SMARCA5: variants seen among roughly 807,000 people sequenced by gnomAD.
The protein encoded by SMARCA5 is SNF2 related chromatin remodeling ATPase 5, also known as SWI/SNF-related matrix-associated actin-dependent regulator of chromatin subfamily A member 5.
In SMARCA5, 18 loss-of-function variants were observed where a neutral mutation model predicts 140.4. That is an observed-to-expected ratio of 0.13 (90% CI 0.09 to 0.19). The LOEUF is 0.19. Ranked by LOEUF, SMARCA5 falls within the 10% of genes least tolerant of loss-of-function variation. The probability of loss-of-function intolerance (pLI) is 1.00; values close to 1 mark genes in which losing one functional copy is unlikely to be tolerated. For synonymous variants in SMARCA5, 449 were observed against 419.6 expected, an observed-to-expected ratio of 1.07 and a Z score of -0.86; for missense variants, 606 against 1,276.8, an observed-to-expected ratio of 0.47 and a Z score of 8.01.
rs138302916 is a variant in SMARCA5, at chr4:143,540,451, G to A, written c.1859G>A (p.Arg620His). 2 of 1,612,654 alleles carry A rather than the reference G, an allele frequency of 1.2e-6. No homozygotes were observed. Among genetic ancestry groups the A allele is most frequent in the Non-Finnish European group, 1.7e-6 (2 of 1,179,210 alleles). Reference protein sequence around the residue: ...DNTVEERIVERAEMKLRLDSI... With the variant: ...DNTVEERIVEHAEMKLRLDSI... ...ACTGTAGAAGAAAGAATAGTAGAAC[G>A]TGCTGAGATGAAACTCAGACTGGAT... The change falls in exon 14 of 24, where the codon CGT becomes CAT. Residue 620 changes from arginine to histidine, a missense_variant. This residue lies in a region of SMARCA5 where 62 missense variants were observed against 256.6 expected (regional missense o/e 0.24). Coordinates refer to ENST00000283131, the MANE Select transcript of SMARCA5 (RefSeq NM_003601.4).
intron 1 of SMARCA5, 187 bp downstream of exon 1, chr4:143,514,288 A>G (rs1199059755): frequency 1.8e-6 from 1 of 545,114 alleles, no homozygotes; most frequent in African/African-American, 2.0e-5. Flanking sequence ...CGAGCTAAGC[A>G]AAATGGATTT....
intron 19 of SMARCA5, 148 bp downstream of exon 19, chr4:143,546,195 C>T: frequency 1.9e-6 from 1 of 521,192 alleles, no homozygotes; most frequent in Non-Finnish European, 3.2e-6. Context: ...TGGATAAATG[C>T]TCCATCTGAT....
intron 3 of SMARCA5, among the ~76,000 whole-genome samples, chr4:143,522,270 G>A (rs1736978654): frequency 1.3e-5 from 2 of 152,252 alleles, no homozygotes; most frequent in African/African-American, 4.8e-5. Flanking sequence ...CCGTCCTTTG[G>A]TGGTGGTTGA....
intron 3 of SMARCA5, among the ~76,000 whole-genome samples, chr4:143,521,892 A>C (rs1034449259): frequency 2.4e-4 from 32 of 132,158 alleles, no homozygotes; most frequent in African/African-American, 8.2e-4. Flanking sequence ...TCCCATCTCT[A>C]CAAAAAAAAA....
At position 143,524,436 on chromosome 4, in the gene SMARCA5, T is replaced by C. The variant is rs1361581324; in HGVS notation, c.489T>C (p.Asn163=). ...ELLTESSKAT[N]VCTRFEDSPS... The stretch of plus-strand genomic sequence containing the variant: ...TAACAGAAAGCTCCAAAGCAACCAA[T>C]GTTTGCACTCGATTTGAAGACTCTC... Residue 163 remains asparagine, a synonymous_variant, in exon 4 of 24, where the codon AAT becomes AAC. Coordinates refer to ENST00000283131, the MANE Select transcript of SMARCA5 (RefSeq NM_003601.4). The C allele has an allele frequency of 1.9e-6, 3 of 1,612,926 alleles. No homozygotes were observed. Among genetic ancestry groups the C allele is most frequent in the Non-Finnish European group, 2.5e-6 (3 of 1,179,300 alleles).
chr4:143,529,334 A>G (rs1176638672), intron 8 of SMARCA5, among the ~76,000 whole-genome samples: 4 of 152,328 alleles, frequency 2.6e-5, no homozygotes, highest in African/African-American at 4.8e-5. Flanking sequence ...CAGTGGCTCT[A>G]GGTTGACTGG....
rs1446690782 is a variant in SMARCA5, at chr4:143,547,339, GAAATAA to G, written c.2654-40_2654-35del. The G allele has an allele frequency of 6.0e-6, 6 of 1,000,544 alleles. No individual in the cohort carries two copies. The African/African-American group carries it at 6.6e-5, about 11-fold the overall frequency. The allele number at this position is 1,000,544 out of a possible 1,614,324, so 62.0% of individuals were successfully genotyped here. A position where few individuals can be genotyped will look rare whatever the true frequency, so the allele number is the denominator to read the frequency against. On this transcript the variant is annotated intron_variant, in intron 20 of 23. Coordinates refer to ENST00000283131, the MANE Select transcript of SMARCA5 (RefSeq NM_003601.4). Reference sequence around the variant, plus strand: ...TTGATCCCATTTTTTTTACATTAAAGAAATAAAAATATAAATGATTTGTTTACTTTG... The same window carrying G: ...TTGATCCCATTTTTTTTACATTAAAGAAATATAAATGATTTGTTTACTTTG...
In SMARCA5 at chr4:143,524,364, C is replaced by T. The variant is rs1737025106; in HGVS notation, c.420-3C>T. On this transcript the variant is annotated splice_region_variant and splice_polypyrimidine_tract_variant and intron_variant, in intron 3 of 23. Transcript: ENST00000283131. ...TCAGGTTATTTTATTTTCATCTTAACAGTTACCGACACCGTAGAACAGAGC... is the reference window on the plus strand; with the variant it reads ...TCAGGTTATTTTATTTTCATCTTAATAGTTACCGACACCGTAGAACAGAGC... 6.3e-7 allele frequency: 1 copy of T among 1,588,968 alleles called. No individual in the cohort carries two copies.
At chr4:143,524,281 G>A (rs1737023792) in intron 3 of SMARCA5, 86 bp from the exon 4 acceptor site, 1 of 831,804 alleles carries the variant, frequency 1.2e-6, no homozygotes, top group Admixed American at 2.9e-5. Context: ...TGGAATCTTG[G>A]TCAGCCACTT....
At chr4:143,528,760 A>G in intron 8 of SMARCA5, 46 bp downstream of exon 8, 2 of 1,559,616 alleles carry the variant, frequency 1.3e-6, no homozygotes, top group Non-Finnish European at 1.7e-6. Flanking sequence ...TATTTTGCTT[A>G]ATGCTATATA....
rs1226525349 is a variant in SMARCA5 at position 143,553,663 on chromosome 4, T to G, written c.*479T>G. On this transcript the variant is annotated 3_prime_UTR_variant, in exon 24 of 24. Coordinates refer to ENST00000283131, the MANE Select transcript of SMARCA5 (RefSeq NM_003601.4). ...TCTCATCTGGAAAGATTATATAAAT[T>G]GCATTCTCCTTGCTTATGTGGGTAG... The G allele has an allele frequency of 8.5e-5, 13 of 152,906 alleles. No individual in the cohort carries two copies. The highest frequency in any genetic ancestry group is 8.5e-4 in the Admixed American group (13 of 15,356). 9.5% of individuals were successfully genotyped at this position (152,906 alleles called of 1,614,324 possible).
At chr4:143,540,027 A>G (rs1737397665) in intron 13 of SMARCA5, among the ~76,000 whole-genome samples, 1 of 152,220 alleles carries the variant, frequency 6.6e-6, no homozygotes, top group Non-Finnish European at 1.5e-5. Context: ...TTGTTTGCTA[A>G]GTTGTTTCAT....
At chr4:143,536,171 T>C (rs1471715151) in intron 10 of SMARCA5, among the ~76,000 whole-genome samples, 1 of 152,196 alleles carries the variant, frequency 6.6e-6, no homozygotes, top group Non-Finnish European at 1.5e-5. Flanking sequence ...TATTATGTCT[T>C]ACTGCTGTAA....
chr4:143,523,911 T>C (rs1167464606), intron 3 of SMARCA5, among the ~76,000 whole-genome samples: 1 of 152,204 alleles, frequency 6.6e-6, no homozygotes, highest in Non-Finnish European at 1.5e-5. Flanking sequence ...AGAATTTAGA[T>C]GTGTATTTAA....
intron 6 of SMARCA5, 75 bp from the exon 7 acceptor site, chr4:143,527,793 T>G (rs1440187323): frequency 1.6e-6 from 2 of 1,251,874 alleles, no homozygotes; most frequent in Admixed American, 4.8e-5. Context: ...TTTTATATAC[T>G]AGATTACTTG....
chr4:143,541,378 T>C (rs535672833), intron 14 of SMARCA5, among the ~76,000 whole-genome samples: 6 of 152,364 alleles, frequency 3.9e-5, no homozygotes, highest in Admixed American at 6.5e-5. Flanking sequence ...ATTTTGTCAG[T>C]CTCTGATGTC....
chr4:143,547,000 T>C (rs534830573), intron 20 of SMARCA5, 92 bp downstream of exon 20: 2 of 1,244,504 alleles, frequency 1.6e-6, no homozygotes, highest in South Asian at 3.0e-5. Context: ...TTAGCTAATT[T>C]TGTCACAGTG....
At chr4:143,536,899 A>G (rs1424046878) in intron 11 of SMARCA5, among the ~76,000 whole-genome samples, 1 of 152,084 alleles carries the variant, frequency 6.6e-6, no homozygotes, top group Non-Finnish European at 1.5e-5. Context: ...TACTCCCTTG[A>G]TTTTGGGAAG....
chr4:143,528,089 T>C (rs1331809675), intron 7 of SMARCA5, 66 bp downstream of exon 7: 2 of 1,287,240 alleles, frequency 1.6e-6, no homozygotes, highest in African/African-American at 1.5e-5. Context: ...GATTTTTTTT[T>C]CTTTTAACTT....
Sources: gnomAD v4.1 joint callset for allele counts (sites outside exome capture counted in the v4.1 genomes callset) on GRCh38, gnomAD v4.1.1 for gene constraint, gnomAD v4.1.1 regional missense constraint, MANE v1.5 for transcripts, NCBI Gene and HGNC (gene_info 2026-07-23, HGNC 2026-07-21) for gene names.